UGDH: variants seen among roughly 807,000 people sequenced by gnomAD.
UGDH encodes the protein UDP-Glc dehydrogenase.
A neutral mutation model predicts 50.6 loss-of-function variants in UGDH; 38 were observed. That is an observed-to-expected ratio of 0.75 (90% CI 0.58 to 0.98). The LOEUF is 0.98. Ranked by LOEUF, UGDH falls within the 50% of genes least tolerant of loss-of-function variation. The probability of loss-of-function intolerance (pLI) is 0.00; values close to 1 mark genes in which losing one functional copy is unlikely to be tolerated. For missense variants in UGDH, 465 were observed against 606.2 expected (o/e 0.77, Z 2.45); for synonymous variants, 168 against 199.9 (o/e 0.84, Z 1.35).
intron 1 of UGDH, among the ~76,000 whole-genome samples, chr4:39,523,579 T>C (rs1323544281): frequency 1.3e-5 from 2 of 151,786 alleles, no homozygotes; most frequent in Non-Finnish European, 2.9e-5. Context: ...CCGAGGAGGC[T>C]GAATCACCTG....
chr4:39,505,905 A>T (rs911896941), intron 7 of UGDH, among the ~76,000 whole-genome samples, 157 bp from the exon 8 acceptor site: 1 of 65,916 alleles, frequency 1.5e-5, no homozygotes, highest in Non-Finnish European at 2.6e-5. Flanking sequence ...CCTATGGATT[A>T]AAAAAAAAAA....
chr4:39,504,355 C>T, intron 10 of UGDH, 62 bp downstream of exon 10: 1 of 1,471,052 alleles, frequency 6.8e-7, no homozygotes, highest in Middle Eastern at 1.7e-4. Context: ...AACACATACT[C>T]AACCCCAGCT....
At chr4:39,515,031 C>T (rs1353197338) in intron 2 of UGDH, among the ~76,000 whole-genome samples, 2 of 152,058 alleles carry the variant, frequency 1.3e-5, no homozygotes, top group Non-Finnish European at 2.9e-5. Flanking sequence ...GGCTGGAGTG[C>T]AGTTGCGTAA....
chr4:39,503,197 G>A (rs140812426), intron 11 of UGDH, among the ~76,000 whole-genome samples: 5,389 of 152,274 alleles, frequency 0.035, 125 homozygotes, highest in Middle Eastern at 0.11. Context: ...TTATAGGCGT[G>A]AGCCACCGCG....
In UGDH at chr4:39,510,437, C is replaced by A; in HGVS notation, c.579G>T (p.Gln193His). ...AGTGCTCATATACAGCACACAGGGC[C>A]TGCACAGCTCTCTGGCCCTCTGGAG... ...DETPEGQRAV[Q>H]ALCAVYEHWV... is the part of the protein sequence containing the mutation. The change falls in exon 5 of 12, where the codon CAG (glutamine) becomes CAT (histidine). Residue 193 changes from glutamine to histidine, a missense_variant. Coordinates refer to ENST00000316423, the MANE Select transcript of UGDH (RefSeq NM_003359.4). 1 of 1,614,222 alleles carries A rather than the reference C, an allele frequency of 6.2e-7. No homozygotes were observed. The highest frequency in any genetic ancestry group is 8.5e-7 in the Non-Finnish European group (1 of 1,180,048).
chr4:39,518,176 C>T (rs1406058774), intron 2 of UGDH, among the ~76,000 whole-genome samples: 1 of 152,138 alleles, frequency 6.6e-6, no homozygotes, highest in Non-Finnish European at 1.5e-5. Context: ...GGTGATCCGC[C>T]CACCTCAGCC....
intron 9 of UGDH, 39 bp from the exon 10 acceptor site, chr4:39,504,547 A>C: frequency 6.4e-7 from 1 of 1,559,298 alleles, no homozygotes. Flanking sequence ...GAAATAAGAA[A>C]GGAGTTATAT....
Position 39,509,873 on chromosome 4 carries a change from C to T in UGDH, c.698G>A (p.Ser233Asn). Residue 233 changes from serine (S) to asparagine (N), a missense_variant, in exon 6 of 12, where the codon AGC (serine) becomes AAC (asparagine). Ser to Asn is a conservative substitution (Grantham distance 46, BLOSUM62 1). Coordinates refer to ENST00000316423, the MANE Select transcript of UGDH (RefSeq NM_003359.4). ...ANAFLAQRIS[S>N]INSISALCEA... ...ACACAGAGCACTTATGGAGTTAATG[C>T]TGCTTATTCTCTGGGCAAGAAAAGC... 1 of 1,603,884 alleles carries T rather than the reference C, an allele frequency of 6.2e-7. No homozygotes were observed. Among genetic ancestry groups the T allele is most frequent in the Non-Finnish European group, 8.5e-7 (1 of 1,177,730 alleles).
At chr4:39,512,006 G>A (rs563525334) in intron 3 of UGDH, among the ~76,000 whole-genome samples, 1 of 147,780 alleles carries the variant, frequency 6.8e-6, no homozygotes, top group East Asian at 2.0e-4. Context: ...CCTGGCCAAT[G>A]GGCGAAGACT....
At chr4:39,519,630 C>T (rs1746569620) in intron 2 of UGDH, among the ~76,000 whole-genome samples, 2 of 152,056 alleles carry the variant, frequency 1.3e-5, no homozygotes. Context: ...CCTCTGCCTC[C>T]TGGGTACAAG....
intron 3 of UGDH, among the ~76,000 whole-genome samples, chr4:39,513,748 G>A (rs911786467): frequency 1.3e-5 from 2 of 148,518 alleles, no homozygotes; most frequent in African/African-American, 4.8e-5. Flanking sequence ...TGTTGGCCAG[G>A]ATGGTCTCAA....
intron 2 of UGDH, among the ~76,000 whole-genome samples, chr4:39,518,066 C>A (rs1746504368): frequency 6.6e-6 from 1 of 151,918 alleles, no homozygotes; most frequent in Non-Finnish European, 1.5e-5. Flanking sequence ...GTAGCTGGGG[C>A]TATAGGCATG....
intron 3 of UGDH, among the ~76,000 whole-genome samples, chr4:39,513,606 G>A (rs1028036381): frequency 2.1e-5 from 3 of 141,984 alleles, no homozygotes; most frequent in Non-Finnish European, 4.5e-5. Context: ...GCGCGATCTC[G>A]GCTCACTGCA....
At chr4:39,514,049 C>T (rs373811939) in intron 3 of UGDH, 34 bp downstream of exon 3, 3 of 1,490,258 alleles carry the variant, frequency 2.0e-6, no homozygotes, top group African/African-American at 2.8e-5. Context: ...GACAAGAATA[C>T]ATTAAAATTC....
Position 39,510,879 on chromosome 4 carries a change from G to C in UGDH, c.265-18C>G. ...GTATTCACCTGATGTAAGTATATGG[G>C]ATAAAGAACAGAGTGCCTGTGAGAT... is the stretch of plus-strand genomic sequence containing the variant. On this transcript the variant is annotated intron_variant, in intron 3 of 11. Coordinates refer to ENST00000316423, the MANE Select transcript of UGDH (RefSeq NM_003359.4). 1.2e-6 allele frequency: 2 copies of C among 1,613,560 alleles called. No individual in the cohort carries two copies. Among genetic ancestry groups the C allele is most frequent in the Non-Finnish European group, 8.5e-7 (1 of 1,179,628 alleles).
rs1185845048 is a variant in UGDH at position 39,527,330 on chromosome 4, G to C, written c.-55C>G. The C allele has an allele frequency of 3.7e-6, 1 of 269,372 alleles. No homozygotes were observed. The highest frequency in any genetic ancestry group is 2.3e-5 in the African/African-American group (1 of 43,970). The allele number at this position is 269,372 out of a possible 1,614,324, so 16.7% of individuals were successfully genotyped here. ...GGGACCGCTCCTATCCCGATCGTTCGGACAGCACCTTCCTACGGGCCGCGC... is the reference window on the plus strand; with the variant it reads ...GGGACCGCTCCTATCCCGATCGTTCCGACAGCACCTTCCTACGGGCCGCGC... On this transcript the variant is annotated 5_prime_UTR_variant, in exon 1 of 12. Transcript: ENST00000316423.
intron 1 of UGDH, among the ~76,000 whole-genome samples, chr4:39,522,580 T>C (rs1746707452): frequency 6.6e-6 from 1 of 152,222 alleles, no homozygotes; most frequent in Non-Finnish European, 1.5e-5. Flanking sequence ...GAATCTGTAT[T>C]AAACAATATT....
At chr4:39,504,307 C>CAA (rs1383198363) in intron 10 of UGDH, 110 bp downstream of exon 10, 603 of 759,554 alleles carry the variant, frequency 7.9e-4, no homozygotes, top group Non-Finnish European at 9.6e-4. Flanking sequence ...GACTCCATCT[C>CAA]AAAAAAAAAA....
At chr4:39,513,934 TCAGA>T (rs1194528362) in intron 3 of UGDH, 145 bp downstream of exon 3, 2 of 605,946 alleles carry the variant, frequency 3.3e-6, no homozygotes, top group South Asian at 2.1e-5. Context: ...TTGTGAACTG[TCAGA>T]CAAAGTGACA....
Sources: allele counts gnomAD v4.1 joint callset (sites outside exome capture counted in the v4.1 genomes callset), GRCh38; gene constraint gnomAD v4.1.1; transcripts MANE v1.5; gene names NCBI Gene and HGNC (gene_info 2026-07-23, HGNC 2026-07-21).